Variants in WWOX observed in about 807,000 individuals in gnomAD.
WWOX encodes the protein WW domain containing oxidoreductase, also known as WW domain-containing oxidoreductase.
WWOX carries 69 observed loss-of-function variants against 46.2 expected under a neutral mutation model. The observed-to-expected ratio is 1.49, with a 90% CI of 1.23 to 1.82. WWOX has a LOEUF of 1.82. WWOX is among the 40% of genes most tolerant of loss of function. The pLI is 0.00. For missense variants in WWOX, 919 were observed against 542.6 expected (o/e 1.69, Z -6.89); for synonymous variants, 359 against 202.6 (o/e 1.77, Z -6.56).
At chr16:79,058,455 A>C (rs1211170820) in intron 8 of WWOX, among the ~76,000 whole-genome samples, 2 of 152,106 alleles carry the variant, frequency 1.3e-5, no homozygotes, top group Admixed American at 1.3e-4. Flanking sequence ...TAGTGAGAGA[A>C]GGAAGGAAGA....
At chr16:78,656,928 C>T (rs2047094572) in intron 8 of WWOX, among the ~76,000 whole-genome samples, 1 of 152,208 alleles carries the variant, frequency 6.6e-6, no homozygotes, top group Non-Finnish European at 1.5e-5. Context: ...TACACCGCTG[C>T]TCTGACCATC....
intron 8 of WWOX, among the ~76,000 whole-genome samples, chr16:78,916,196 G>A (rs2045247676): frequency 6.6e-6 from 1 of 152,190 alleles, no homozygotes; most frequent in African/African-American, 2.4e-5. Context: ...AAGACCTTAT[G>A]CTGACAGTAG....
intron 8 of WWOX, chr16:79,206,637 G>A (rs1005602410): frequency 5.3e-5 from 8 of 152,148 alleles, no homozygotes; most frequent in African/African-American, 1.9e-4. Context: ...CAGTTTGCAG[G>A]GCTGAGGACT....
chr16:78,326,220 A>G (rs77607169), intron 5 of WWOX, among the ~76,000 whole-genome samples: 402 of 152,330 alleles, frequency 2.6e-3, no homozygotes, highest in South Asian at 4.3e-3. Context: ...AACCTGAATT[A>G]TGGGGATGCT....
intron 4 of WWOX, among the ~76,000 whole-genome samples, chr16:78,127,017 G>T (rs947318398): frequency 5.9e-5 from 9 of 152,330 alleles, no homozygotes; most frequent in Admixed American, 2.0e-4. Context: ...GTTAGGGCAA[G>T]CTTCATTGGT....
intron 8 of WWOX, among the ~76,000 whole-genome samples, chr16:78,715,236 C>A (rs185369169): frequency 6.6e-6 from 1 of 152,030 alleles, no homozygotes; most frequent in South Asian, 2.1e-4. Flanking sequence ...GTAAAGCTAA[C>A]TGTAACACAC....
chr16:78,928,203 CTTTT>C (rs969068848), intron 8 of WWOX, among the ~76,000 whole-genome samples: 40 of 134,210 alleles, frequency 3.0e-4, no homozygotes, highest in Middle Eastern at 3.9e-3. Context: ...TACCACTTTT[CTTTT>C]TTTTTTTTTT....
intron 5 of WWOX, among the ~76,000 whole-genome samples, chr16:78,347,284 G>C (rs4421994): frequency 9.0e-6 from 1 of 111,130 alleles, no homozygotes; most frequent in Non-Finnish European, 2.1e-5. Context: ...TCTGGCCAAT[G>C]CTCCTTCCCC....
intron 6 of WWOX, among the ~76,000 whole-genome samples, chr16:78,422,230 T>C (rs975470226): frequency 6.6e-6 from 1 of 152,168 alleles, no homozygotes; most frequent in African/African-American, 2.4e-5. Flanking sequence ...TATTCGTCAC[T>C]TTTGTTCCAC....
At chr16:78,731,466 A>G (rs1440888880) in intron 8 of WWOX, among the ~76,000 whole-genome samples, 2 of 151,950 alleles carry the variant, frequency 1.3e-5, no homozygotes, top group Non-Finnish European at 2.9e-5. Flanking sequence ...GACTTGTTAC[A>G]AAGAGAAGGA....
chr16:78,914,404 G>C (rs960297210), intron 8 of WWOX, among the ~76,000 whole-genome samples: 3 of 152,072 alleles, frequency 2.0e-5, no homozygotes, highest in South Asian at 2.1e-4. Context: ...GAATGAGGGA[G>C]TGAATGAATG....
At chr16:79,029,570 A>G (rs540150089) in intron 8 of WWOX, among the ~76,000 whole-genome samples, 49 of 152,278 alleles carry the variant, frequency 3.2e-4, no homozygotes, top group Non-Finnish European at 1.5e-4. Flanking sequence ...GTCTATAAAA[A>G]CTGTTTTTCT....
At chr16:78,576,375 T>C (rs776254631) in intron 8 of WWOX, among the ~76,000 whole-genome samples, 4 of 152,206 alleles carry the variant, frequency 2.6e-5, no homozygotes, top group South Asian at 2.1e-4. Flanking sequence ...AGACATAGCT[T>C]GGTTTAGCAT....
At chr16:78,324,707 A>T (rs2080571068) in intron 5 of WWOX, among the ~76,000 whole-genome samples, 1 of 131,136 alleles carries the variant, frequency 7.6e-6, no homozygotes, top group Non-Finnish European at 1.6e-5. Flanking sequence ...ATATGGTGAG[A>T]TTCCGTTCTG....
At chr16:78,309,443 G>C (rs138260438) in intron 5 of WWOX, among the ~76,000 whole-genome samples, 1 of 152,024 alleles carries the variant, frequency 6.6e-6, no homozygotes, top group East Asian at 1.9e-4. Flanking sequence ...TGTGAGAATG[G>C]GCTAATATAC....
intron 8 of WWOX, among the ~76,000 whole-genome samples, chr16:79,099,843 A>G (rs2049155856): frequency 6.6e-6 from 1 of 152,208 alleles, no homozygotes; most frequent in African/African-American, 2.4e-5. Context: ...CAACAGCATG[A>G]GTAGGAGATA....
chr16:78,313,581 G>T (rs1275869803), intron 5 of WWOX, among the ~76,000 whole-genome samples: 1 of 152,142 alleles, frequency 6.6e-6, no homozygotes, highest in African/African-American at 2.4e-5. Flanking sequence ...GGTCAGGCTG[G>T]CCTCAAACTC....
chr16:78,100,317 A>G (rs1460283865), intron 1 of WWOX: 16 of 926,916 alleles, frequency 1.7e-5, no homozygotes, highest in Admixed American at 6.1e-5. Flanking sequence ...CAGGGGTGCC[A>G]TCATAGCCCA....
chr16:79,201,947 A>T (rs2150831601), intron 8 of WWOX, among the ~76,000 whole-genome samples: 1 of 152,330 alleles, frequency 6.6e-6, no homozygotes, highest in East Asian at 1.9e-4. Flanking sequence ...GATCCATCAA[A>T]CACACAAGTT....
Sources: gnomAD v4.1 joint callset for allele counts (sites outside exome capture counted in the v4.1 genomes callset) on GRCh38, gnomAD v4.1.1 for gene constraint, MANE v1.5 for transcripts, NCBI Gene and HGNC (gene_info 2026-07-23, HGNC 2026-07-21) for gene names.